OTOP1: variants seen among roughly 807,000 people sequenced by gnomAD.
The protein encoded by OTOP1 is proton channel OTOP1.
Under a neutral mutation model 52.9 loss-of-function variants are expected in OTOP1, and 59 were observed. The observed-to-expected ratio is 1.12, with a 90% CI of 0.91 to 1.39. The LOEUF (loss-of-function observed/expected upper bound fraction) is 1.39, where lower values mean the gene tolerates loss of function less well. OTOP1 is among the 40% of genes most tolerant of loss of function. The probability of loss-of-function intolerance (pLI) is 0.00; values close to 1 mark genes in which losing one functional copy is unlikely to be tolerated. For synonymous variants in OTOP1, 317 were observed against 337.7 expected (o/e 0.94, Z 0.67); for missense variants, 761 against 800.9 (o/e 0.95, Z 0.60).
intron 1 of OTOP1, among the ~76,000 whole-genome samples, chr4:4,220,000 T>TAC (rs1717254059): frequency 1.8e-5 from 1 of 54,976 alleles, no homozygotes; most frequent in African/African-American, 1.3e-4. Flanking sequence ...TAGGTGTATA[T>TAC]ACATATATAT....
chr4:4,205,165 C>T (rs1478878157), intron 3 of OTOP1, among the ~76,000 whole-genome samples: 1 of 152,188 alleles, frequency 6.6e-6, no homozygotes, highest in Middle Eastern at 3.2e-3. Flanking sequence ...CTCACCATCC[C>T]CTGGGAGGGT....
intron 2 of OTOP1, among the ~76,000 whole-genome samples, 197 bp downstream of exon 2, chr4:4,212,671 G>A (rs1717050719): frequency 6.6e-6 from 1 of 152,164 alleles, no homozygotes; most frequent in Admixed American, 6.5e-5. Flanking sequence ...TGCAAAAATG[G>A]CCATGGGGAC....
At chr4:4,208,035 C>T (rs1021681460) in intron 2 of OTOP1, among the ~76,000 whole-genome samples, 16 of 152,198 alleles carry the variant, frequency 1.1e-4, no homozygotes, top group African/African-American at 1.9e-4. Context: ...TCTAGCTCAG[C>T]GAACCTGCAT....
At chr4:4,191,169 C>T (rs1384232965) in intron 5 of OTOP1, among the ~76,000 whole-genome samples, 1 of 152,122 alleles carries the variant, frequency 6.6e-6, no homozygotes, top group Non-Finnish European at 1.5e-5. Context: ...CTCTCATAAC[C>T]ATGCCCCCTC....
intron 2 of OTOP1, among the ~76,000 whole-genome samples, chr4:4,210,115 T>C (rs1413420070): frequency 6.6e-6 from 1 of 152,212 alleles, no homozygotes; most frequent in African/African-American, 2.4e-5. Context: ...GACACCCCTA[T>C]GGTGTGTGCC....
intron 2 of OTOP1, among the ~76,000 whole-genome samples, chr4:4,207,516 G>A (rs559673398): frequency 1.3e-5 from 2 of 150,886 alleles, no homozygotes; most frequent in South Asian, 2.1e-4. Context: ...TCTCAGTAAT[G>A]TTACATTATA....
chr4:4,210,081 T>C (rs1382395183), intron 2 of OTOP1, among the ~76,000 whole-genome samples: 1 of 152,218 alleles, frequency 6.6e-6, no homozygotes, highest in Non-Finnish European at 1.5e-5. Flanking sequence ...TGTCACTGTT[T>C]TGGGGACTGT....
chr4:4,190,890 G>A (rs1716489423), intron 5 of OTOP1, among the ~76,000 whole-genome samples: 1 of 152,036 alleles, frequency 6.6e-6, no homozygotes, highest in Non-Finnish European at 1.5e-5. Flanking sequence ...TCTTTCCTGG[G>A]TCCCTTTCTA....
At chr4:4,196,660 C>A (rs557467087) in intron 5 of OTOP1, among the ~76,000 whole-genome samples, 2 of 152,034 alleles carry the variant, frequency 1.3e-5, no homozygotes, top group African/African-American at 4.8e-5. Context: ...CCCAGGAGGT[C>A]GAAGCTGCAG....
chr4:4,209,321 T>C (rs1017550295), intron 2 of OTOP1, among the ~76,000 whole-genome samples: 2 of 152,000 alleles, frequency 1.3e-5, no homozygotes, highest in African/African-American at 4.8e-5. Context: ...AATTGTTATA[T>C]ATATATACAC....
intron 4 of OTOP1, among the ~76,000 whole-genome samples, chr4:4,201,477 C>T (rs1041300805): frequency 9.3e-5 from 14 of 150,720 alleles, no homozygotes; most frequent in African/African-American, 3.4e-4. Context: ...TATATACACA[C>T]ACACACACAC....
At chr4:4,193,848 C>T (rs1001520984) in intron 5 of OTOP1, among the ~76,000 whole-genome samples, 1 of 152,086 alleles carries the variant, frequency 6.6e-6, no homozygotes, top group African/African-American at 2.4e-5. Context: ...CAGTGGTCAA[C>T]CAAAAAGGCA....
At chr4:4,194,798 C>G (rs890877143) in intron 5 of OTOP1, among the ~76,000 whole-genome samples, 2 of 152,258 alleles carry the variant, frequency 1.3e-5, no homozygotes, top group African/African-American at 4.8e-5. Context: ...GTCACCATCA[C>G]TGCAGAGACT....
chr4:4,189,768 G>GT (rs1716462534), intron 5 of OTOP1, among the ~76,000 whole-genome samples: 1 of 152,222 alleles, frequency 6.6e-6, no homozygotes. Flanking sequence ...GGCCCAGGGA[G>GT]TACTCCCGTC....
intron 5 of OTOP1, among the ~76,000 whole-genome samples, chr4:4,193,177 C>T (rs1716550897): frequency 6.6e-6 from 1 of 152,144 alleles, no homozygotes; most frequent in African/African-American, 2.4e-5. Context: ...CCCCTCTGCC[C>T]TCTGCTCTGT....
Position 4,226,880 on chromosome 4 carries a change from GCCAAGTCTGGT to G in OTOP1, c.-27_-17del. 1 of 1,314,744 alleles carries G rather than the reference GCCAAGTCTGGT, an allele frequency of 7.6e-7. No individual in the cohort carries two copies. Among genetic ancestry groups the G allele is most frequent in the Non-Finnish European group, 9.7e-7 (1 of 1,035,536 alleles). 81.4% of individuals were successfully genotyped at this position (1,314,744 alleles called of 1,614,324 possible). On this transcript the variant is annotated 5_prime_UTR_variant, in exon 1 of 6. Transcript: ENST00000296358. ...CCTCGAGCATCTTCGAGACACCCGC[GCCAAGTCTGGT>G]CCCGGGGGTGGCTGCCGTCGGGCCC...
intron 2 of OTOP1, among the ~76,000 whole-genome samples, chr4:4,208,479 T>C (rs189897747): frequency 7.2e-5 from 11 of 152,344 alleles, no homozygotes; most frequent in African/African-American, 2.6e-4. Flanking sequence ...TGCTACATCA[T>C]GGATGACCCT....
rs1288906258 is a variant in OTOP1, at chr4:4,226,755, C to T, written c.110G>A (p.Arg37Lys). Residue 37 changes from arginine to lysine, a missense_variant, in exon 1 of 6, where the codon AGG (arginine) becomes AAG (lysine). This residue lies in a region of OTOP1 where 73 missense variants were observed against 75.7 expected (regional missense o/e 0.96). Transcript: ENST00000296358. ...ACSPPSSSAP[R>K]SPESPAPRRG... ...CCGGGGGGCCGGGGATTCCGGGGAC[C>T]TCGGGGCCGAGGACGAGGGAGGCGA... The T allele has an allele frequency of 2.2e-6, 3 of 1,391,370 alleles. No individual in the cohort carries two copies. The highest frequency in any genetic ancestry group is 6.9e-5 in the Admixed American group (2 of 29,110). 86.2% of individuals were successfully genotyped at this position (1,391,370 alleles called of 1,614,324 possible).
intron 4 of OTOP1, among the ~76,000 whole-genome samples, chr4:4,199,239 A>T (rs1018594549): frequency 0.41 from 21,921 of 53,138 alleles, 5,020 homozygotes; most frequent in South Asian, 0.52. Context: ...TGTGTGAGAG[A>T]GAGAGAGAGA....
Sources: allele counts gnomAD v4.1 joint callset (sites outside exome capture counted in the v4.1 genomes callset), GRCh38; gene constraint gnomAD v4.1.1; regional missense constraint gnomAD v4.1.1; transcripts MANE v1.5; gene names NCBI Gene and HGNC (gene_info 2026-07-23, HGNC 2026-07-21).